Variants in SCARA3 observed in about 807,000 individuals in gnomAD.
The protein encoded by SCARA3 is cellular stress response gene protein.
In SCARA3, 39 loss-of-function variants were observed where a neutral mutation model predicts 47.0. That is an observed-to-expected ratio of 0.83 (90% CI 0.64 to 1.08). SCARA3 has a LOEUF of 1.08. Among genes scored for constraint, SCARA3 ranks in the 50% least tolerant of loss-of-function variants. The pLI is 0.00. For synonymous variants in SCARA3, 356 were observed against 334.1 expected (o/e 1.07, Z -0.71); for missense variants, 724 against 792.3 (o/e 0.91, Z 1.04).
chr8:27,658,818 C>A lies in SCARA3; in HGVS notation c.648C>A (p.Val216=). 6.2e-7 allele frequency: 1 copy of A among 1,614,144 alleles called. No homozygotes were observed. Among genetic ancestry groups the A allele is most frequent in the Non-Finnish European group, 8.5e-7 (1 of 1,180,008 alleles). Residue 216 remains valine, a synonymous_variant, in exon 5 of 6, where the codon GTC becomes GTA. Coordinates refer to ENST00000301904, the MANE Select transcript of SCARA3 (RefSeq NM_016240.3). ...LKDLTQECYD[V]KAAVHQINFT... ...ACCTCACCCAGGAGTGCTACGATGT[C>A]AAGGCTGCAGTGCACCAGATCAACT... is the stretch of plus-strand genomic sequence containing the variant.
Position 27,649,939 on chromosome 8 carries a change from G to T in SCARA3, c.106+139G>T, listed in dbSNP as rs143863870. ...CTTTCCCCACTGCTTCCTGGATGGT[G>T]AAAGGGCAGAGTTCACGGCCCTGGG... On this transcript the variant is annotated intron_variant, in intron 2 of 5. Coordinates refer to ENST00000301904, the MANE Select transcript of SCARA3 (RefSeq NM_016240.3). The T allele has an allele frequency of 1.0e-5, 7 of 693,588 alleles. No homozygotes were observed. In the Admixed American group the frequency reaches 2.0e-4, roughly 20 times the overall value. The allele number at this position is 693,588 out of a possible 1,614,324, so 43.0% of individuals were successfully genotyped here.
chr8:27,670,841 G>A (rs918637967), intron 5 of SCARA3, 59 bp from the exon 6 acceptor site: 35 of 1,424,860 alleles, frequency 2.5e-5, no homozygotes, highest in Non-Finnish European at 2.6e-5. Context: ...GCTCATGGGC[G>A]AGCCTCGGGT....
intron 1 of SCARA3, among the ~76,000 whole-genome samples, chr8:27,648,432 G>A (rs1237215556): frequency 6.6e-6 from 1 of 152,090 alleles, no homozygotes; most frequent in African/African-American, 2.4e-5. Flanking sequence ...GTGAAACCTC[G>A]TTTCTACTAA....
At chr8:27,707,329 C>T in the SCARA3 span, among the ~76,000 whole-genome samples, 29,350 of 152,126 alleles carry the variant, frequency 0.19, 2,953 homozygotes, top group Middle Eastern at 0.28. Context: ...GCTACACAGA[C>T]CTTCCAATCA....
chr8:27,697,178 T>C, the SCARA3 span: 1 of 209,086 alleles, frequency 4.8e-6, no homozygotes, highest in Non-Finnish European at 1.0e-5. Context: ...CTAAGGCAGT[T>C]CACTTCCCAG....
the SCARA3 span, among the ~76,000 whole-genome samples, chr8:27,684,949 AG>A: frequency 2.6e-4 from 40 of 152,302 alleles, no homozygotes; most frequent in Middle Eastern, 0.01. Flanking sequence ...GAAGTGTACC[AG>A]AACACACACA....
intron 1 of SCARA3, among the ~76,000 whole-genome samples, chr8:27,648,436 C>T (rs1801555254): frequency 6.6e-6 from 1 of 152,104 alleles, no homozygotes; most frequent in African/African-American, 2.4e-5. Context: ...AACCTCGTTT[C>T]TACTAAAAAT....
chr8:27,691,937 A>G, the SCARA3 span, among the ~76,000 whole-genome samples: 1 of 152,202 alleles, frequency 6.6e-6, no homozygotes, highest in Admixed American at 6.5e-5. Context: ...TCTCCTGTCC[A>G]TTCTGTAAAC....
chr8:27,681,708 T>C (rs750573139), downstream of SCARA3, among the ~76,000 whole-genome samples: 1 of 152,212 alleles, frequency 6.6e-6, no homozygotes, highest in Non-Finnish European at 1.5e-5. Flanking sequence ...GGCAACAGGC[T>C]GAGATTCTGT....
At chr8:27,723,314 G>A in the SCARA3 span, among the ~76,000 whole-genome samples, 4 of 152,222 alleles carry the variant, frequency 2.6e-5, no homozygotes, top group African/African-American at 4.8e-5. Flanking sequence ...CCTTGGCTCC[G>A]AATTGGCAGG....
In SCARA3 at chr8:27,634,158, C is replaced by T. The variant is rs1801195560; in HGVS notation, c.-43C>T. On this transcript the variant is annotated 5_prime_UTR_variant, in exon 1 of 6. Transcript: ENST00000301904. ...CCGCCCGGCTCCACTACAGCTCCAG[C>T]CGCCTGCAGCGGGGCCCTCCTGAGG... 1.4e-6 allele frequency: 2 copies of T among 1,449,664 alleles called. No individual in the cohort carries two copies. Among genetic ancestry groups the T allele is most frequent in the Admixed American group, 2.5e-5 (1 of 40,130 alleles). 89.8% of individuals were successfully genotyped at this position (1,449,664 alleles called of 1,614,324 possible). A position where few individuals can be genotyped will look rare whatever the true frequency, so the allele number is the denominator to read the frequency against.
chr8:27,715,744 TCAGA>T, the SCARA3 span, among the ~76,000 whole-genome samples: 56 of 149,330 alleles, frequency 3.8e-4, no homozygotes, highest in Admixed American at 6.0e-4. The surrounding 1 kb of genome is among the most constrained non-coding windows in gnomAD (Gnocchi z 4.2). Context: ...ACAAACACAG[TCAGA>T]CAGACAGATA....
Position 27,658,565 on chromosome 8 carries a change from T to C in SCARA3, c.395T>C (p.Leu132Pro). Residue 132 changes from leucine (L) to proline (P), a missense_variant, in exon 5 of 6, where the codon CTG becomes CCG. Physicochemically the swap from Leu to Pro is moderately conservative, Grantham distance 98 (BLOSUM62 -3). Transcript: ENST00000301904. ...AGQLGPEIRK[L>P]QEELEGIQKL... ...CAGCTGGGGCCAGAGATCCGAAAAC[T>C]GCAGGAGGAGCTGGAGGGAATTCAG... The C allele has an allele frequency of 6.2e-7, 1 of 1,614,166 alleles. No homozygotes were observed. Among genetic ancestry groups the C allele is most frequent in the Non-Finnish European group, 8.5e-7 (1 of 1,180,024 alleles).
the SCARA3 span, among the ~76,000 whole-genome samples, chr8:27,696,759 G>T: frequency 6.6e-6 from 1 of 151,782 alleles, no homozygotes; most frequent in African/African-American, 2.4e-5. Flanking sequence ...TTAGATTACA[G>T]GTGAACCACT....
At chr8:27,651,651 C>T (rs750899483) in intron 3 of SCARA3, 24 bp downstream of exon 3, 30 of 1,612,252 alleles carry the variant, frequency 1.9e-5, no homozygotes, top group Non-Finnish European at 2.3e-5. Context: ...TTTCCCACCC[C>T]GGGCTGCAGG....
chr8:27,714,663 T>G, the SCARA3 span, among the ~76,000 whole-genome samples: 1 of 152,168 alleles, frequency 6.6e-6, no homozygotes, highest in Non-Finnish European at 1.5e-5. Flanking sequence ...TTTCCATATC[T>G]ATATCTATTT....
At chr8:27,685,905 C>T in the SCARA3 span, among the ~76,000 whole-genome samples, 1 of 152,060 alleles carries the variant, frequency 6.6e-6, no homozygotes, top group African/African-American at 2.4e-5. Context: ...TCCAGTTTCT[C>T]CAACAAATAA....
At chr8:27,698,353 T>A in the SCARA3 span, among the ~76,000 whole-genome samples, 1 of 152,190 alleles carries the variant, frequency 6.6e-6, no homozygotes, top group African/African-American at 2.4e-5. Flanking sequence ...AAGATAAGAC[T>A]GGAGATTGGA....
the SCARA3 span, among the ~76,000 whole-genome samples, chr8:27,707,521 A>G: frequency 6.6e-6 from 1 of 151,992 alleles, no homozygotes; most frequent in African/African-American, 2.4e-5. Flanking sequence ...TATGTTCTTG[A>G]GGACATCTCC....
Sources: gnomAD v4.1 joint callset for allele counts (sites outside exome capture counted in the v4.1 genomes callset) on GRCh38, gnomAD v4.1.1 for gene constraint, Gnocchi (gnomAD v3.1) non-coding constraint, MANE v1.5 for transcripts, NCBI Gene and HGNC (gene_info 2026-07-23, HGNC 2026-07-21) for gene names.